The following PRKCI variants were observed in gnomAD, a reference collection of about 807,000 sequenced individuals.
PRKCI encodes protein kinase C iota.
A neutral mutation model predicts 84.0 loss-of-function variants in PRKCI; 43 were observed. The observed-to-expected ratio is 0.51, with a 90% CI of 0.40 to 0.66. The LOEUF is 0.66. Ranked by LOEUF, PRKCI falls within the 30% of genes least tolerant of loss-of-function variation. The pLI is 0.00. For synonymous variants in PRKCI, 216 were observed against 234.4 expected, an observed-to-expected ratio of 0.92 and a Z score of 0.72; for missense variants, 459 against 745.6, an observed-to-expected ratio of 0.62 and a Z score of 4.48.
chr3:170,233,745 G>A (rs117253812), intron 1 of PRKCI, among the ~76,000 whole-genome samples: 2,869 of 151,752 alleles, frequency 0.019, 44 homozygotes, highest in East Asian at 0.085. Flanking sequence ...TTTTTAAACA[G>A]AATCTCACTT....
At position 170,304,453 on chromosome 3, in the gene PRKCI, G is replaced by C. The variant is rs1734905547; in HGVS notation, c.*1326G>C. ...GGAAAAGTATTTATTTTTTAAGTAG[G>C]GTATCTTAATTATGCTCATTTCTTC... On this transcript the variant is annotated 3_prime_UTR_variant, in exon 18 of 18. Transcript: ENST00000295797. 1 of 151,856 alleles carries C rather than the reference G, an allele frequency of 6.6e-6. No individual in the cohort carries two copies. The highest frequency in any genetic ancestry group is 1.5e-5 in the Non-Finnish European group (1 of 67,970). 9.4% of individuals were successfully genotyped at this position (151,856 alleles called of 1,614,324 possible).
intron 2 of PRKCI, among the ~76,000 whole-genome samples, chr3:170,242,991 G>C (rs966416112): frequency 3.0e-4 from 46 of 151,698 alleles, no homozygotes; most frequent in African/African-American, 1.1e-3. Context: ...TTCTTATAGA[G>C]AAGTTCTGCT....
chr3:170,238,594 C>CTTTTT (rs1231292323), intron 2 of PRKCI, among the ~76,000 whole-genome samples: 48 of 125,090 alleles, frequency 3.8e-4, no homozygotes, highest in Non-Finnish European at 4.7e-4. Context: ...CATTTCTTTT[C>CTTTTT]TTTTTTTTTT....
At chr3:170,255,094 TTTG>T (rs1733550555) in intron 2 of PRKCI, among the ~76,000 whole-genome samples, 1 of 150,658 alleles carries the variant, frequency 6.6e-6, no homozygotes. Flanking sequence ...GAGTTTCACT[TTTG>T]TTGCCCAGGC....
At chr3:170,301,419 C>A (rs1734814886) in intron 17 of PRKCI, among the ~76,000 whole-genome samples, 1 of 152,096 alleles carries the variant, frequency 6.6e-6, no homozygotes, top group African/African-American at 2.4e-5. Flanking sequence ...TTAACACGGC[C>A]CCCAGTTTGT....
At chr3:170,297,850 CAAAA>C (rs778157174) in intron 16 of PRKCI, among the ~76,000 whole-genome samples, 1 of 148,662 alleles carries the variant, frequency 6.7e-6, no homozygotes, top group African/African-American at 2.5e-5. Context: ...ACTTTTAAAA[CAAAA>C]AAAAAATTCA....
At chr3:170,274,862 T>C (rs1734076951) in intron 7 of PRKCI, among the ~76,000 whole-genome samples, 1 of 152,188 alleles carries the variant, frequency 6.6e-6, no homozygotes, top group Non-Finnish European at 1.5e-5. Flanking sequence ...TATGTCTTAG[T>C]CATACTAAAA....
At position 170,235,566 on chromosome 3, in the gene PRKCI, C is replaced by CT. The variant is rs199938459; in HGVS notation, c.223+232dup. 6.2e-3 allele frequency among the ~76,000 whole-genome samples: 847 copies of CT among 136,190 alleles called. 4 individuals are homozygous for CT. The highest frequency in any genetic ancestry group is 7.4e-3 in the Non-Finnish European group (461 of 62,700). The allele number at this position is 136,190 out of a possible 152,430, so 89.3% of individuals were successfully genotyped here. A position where few individuals can be genotyped will look rare whatever the true frequency, so the allele number is the denominator to read the frequency against. On this transcript the variant is annotated intron_variant, in intron 2 of 17. Transcript: ENST00000295797. ...CCAAAATGATGTGAAATTAACTTGA[C>CT]TTTTTTTTTTTTTTTTTGAGACGGA... is the stretch of plus-strand genomic sequence containing the variant.
At position 170,298,987 on chromosome 3, in the gene PRKCI, C is replaced by T. The variant is rs767553586; in HGVS notation, c.1588-8C>T. 17 of 1,589,984 alleles carry T rather than the reference C, an allele frequency of 1.1e-5. No individual in the cohort carries two copies. Among genetic ancestry groups the T allele is most frequent in the Non-Finnish European group, 1.4e-5 (16 of 1,159,652 alleles). Reference sequence around the variant, plus strand: ...AGACTTGAGCTGTCATCCAGTATGTCTTTTCAGATGGAGCAAAAACAGGTG... The same window carrying T: ...AGACTTGAGCTGTCATCCAGTATGTTTTTTCAGATGGAGCAAAAACAGGTG... On this transcript the variant is annotated splice_polypyrimidine_tract_variant and splice_region_variant and intron_variant, in intron 16 of 17. Coordinates refer to ENST00000295797, the MANE Select transcript of PRKCI (RefSeq NM_002740.6).
intron 2 of PRKCI, among the ~76,000 whole-genome samples, chr3:170,256,875 A>G (rs555903126): frequency 2.0e-5 from 3 of 149,640 alleles, no homozygotes; most frequent in South Asian, 2.1e-4. Context: ...TTGTGTTTCT[A>G]TTTTCATTTT....
chr3:170,223,410 T>G (rs1169375595), intron 1 of PRKCI, among the ~76,000 whole-genome samples: 2 of 152,340 alleles, frequency 1.3e-5, no homozygotes, highest in East Asian at 3.9e-4. Context: ...TTTGTGAGCC[T>G]TTCTTTCTCA....
In PRKCI at chr3:170,270,486, C is replaced by A. The variant is rs148843944; in HGVS notation, c.516C>A (p.Ile172=). 3 of 1,613,224 alleles carry A rather than the reference C, an allele frequency of 1.9e-6. No homozygotes were observed. Among genetic ancestry groups the A allele is most frequent in the Non-Finnish European group, 2.5e-6 (3 of 1,179,718 alleles). Reference sequence around the variant, plus strand: ...TTGGACGCCAAGGATATAAGTGCATCAACTGCAAACTCTTGGTTCATAAGA... The same window carrying A: ...TTGGACGCCAAGGATATAAGTGCATAAACTGCAAACTCTTGGTTCATAAGA... ...WGLGRQGYKC[I]NCKLLVHKKC... is the part of the protein sequence containing the mutation. The change falls in exon 6 of 18, where the codon ATC becomes ATA. Residue 172 remains isoleucine (I), a synonymous_variant. Coordinates refer to ENST00000295797, the MANE Select transcript of PRKCI (RefSeq NM_002740.6).
At chr3:170,260,082 T>C (rs760438627) in intron 3 of PRKCI, 24 bp downstream of exon 3, 25 of 1,401,602 alleles carry the variant, frequency 1.8e-5, no homozygotes, top group Non-Finnish European at 1.8e-5. Context: ...CATTTCATAC[T>C]CGTCCAGACT....
Position 170,305,968 on chromosome 3 carries a change from A to G in PRKCI, c.*2841A>G, listed in dbSNP as rs1167774247. 1 of 149,472 alleles carries G rather than the reference A, an allele frequency of 6.7e-6. No individual in the cohort carries two copies. The highest frequency in any genetic ancestry group is 1.5e-5 in the Non-Finnish European group (1 of 67,654). 9.3% of individuals were successfully genotyped at this position (149,472 alleles called of 1,614,324 possible). ...ACTTTGAAGTCTTTAAATAAAATGTATAATACCCATTGAGAGTGGATCATT... is the reference window on the plus strand; with the variant it reads ...ACTTTGAAGTCTTTAAATAAAATGTGTAATACCCATTGAGAGTGGATCATT... On this transcript the variant is annotated 3_prime_UTR_variant, in exon 18 of 18. Transcript: ENST00000295797.
intron 4 of PRKCI, among the ~76,000 whole-genome samples, chr3:170,264,052 A>T (rs181205687): frequency 6.6e-6 from 1 of 152,258 alleles, no homozygotes; most frequent in East Asian, 1.9e-4. Context: ...AAACAAGGAT[A>T]CCTATATATC....
At chr3:170,222,795 G>A (rs1338627635) in intron 1 of PRKCI, 25 bp downstream of exon 1, 2 of 1,587,206 alleles carry the variant, frequency 1.3e-6, no homozygotes, top group African/African-American at 2.7e-5. Context: ...ACAGGGCGGT[G>A]GGCGGGAGGG....
chr3:170,241,571 A>C (rs2108839937), intron 2 of PRKCI, among the ~76,000 whole-genome samples: 1 of 152,144 alleles, frequency 6.6e-6, no homozygotes, highest in Admixed American at 6.5e-5. Context: ...CTGTTTATCC[A>C]TTGATGGGCA....
chr3:170,296,598 A>C (rs1178497187), intron 15 of PRKCI, among the ~76,000 whole-genome samples: 1 of 152,190 alleles, frequency 6.6e-6, no homozygotes, highest in Non-Finnish European at 1.5e-5. Flanking sequence ...GTTGATGTAC[A>C]TTTACCTTCT....
chr3:170,291,780 A>G, intron 12 of PRKCI, 74 bp from the exon 13 acceptor site: 1 of 1,130,568 alleles, frequency 8.8e-7, no homozygotes, highest in Non-Finnish European at 1.3e-6. Context: ...CTTATATGAT[A>G]GGTGAAATAG....
Sources: gnomAD v4.1 joint callset for allele counts (sites outside exome capture counted in the v4.1 genomes callset) on GRCh38, gnomAD v4.1.1 for gene constraint, MANE v1.5 for transcripts, NCBI Gene and HGNC (gene_info 2026-07-23, HGNC 2026-07-21) for gene names.